STAU2: variants seen among roughly 807,000 people sequenced by gnomAD.
STAU2 encodes the protein double-stranded RNA-binding protein Staufen homolog 2.
STAU2 carries 20 observed loss-of-function variants against 65.9 expected under a neutral mutation model. The ratio of observed to expected loss-of-function variants is 0.30; its 90% CI spans 0.21 to 0.44. STAU2 has a LOEUF of 0.44. Ranked by LOEUF, STAU2 falls within the 20% of genes least tolerant of loss-of-function variation. The pLI is 1.00. For missense variants in STAU2, 558 were observed against 683.9 expected, an observed-to-expected ratio of 0.82 and a Z score of 2.05; for synonymous variants, 232 against 233.9, an observed-to-expected ratio of 0.99 and a Z score of 0.07.
chr8:73,471,401 T>C (rs553036974), intron 13 of STAU2, among the ~76,000 whole-genome samples: 5 of 151,602 alleles, frequency 3.3e-5, no homozygotes, highest in African/African-American at 1.2e-4. Flanking sequence ...TTGCCCAGGC[T>C]GGTCTTAAAC....
At chr8:73,647,271 C>G (rs1187288010) in intron 6 of STAU2, among the ~76,000 whole-genome samples, 3 of 139,804 alleles carry the variant, frequency 2.1e-5, no homozygotes, top group Non-Finnish European at 4.7e-5. Flanking sequence ...ATACAAAACC[C>G]ATACATAGAT....
chr8:73,677,774 TACAGTATTAGACTTTATTTTA>T (rs1206181644), intron 5 of STAU2, among the ~76,000 whole-genome samples: 1 of 152,210 alleles, frequency 6.6e-6, no homozygotes, highest in Admixed American at 6.5e-5. Context: ...CTTGTCTGTA[TACAGTATTAGACTTTATTTTA>T]AAAGTTTACA....
chr8:73,680,497 A>C (rs1818356475), intron 5 of STAU2, among the ~76,000 whole-genome samples: 1 of 152,138 alleles, frequency 6.6e-6, no homozygotes, highest in African/African-American at 2.4e-5. Flanking sequence ...CCTCTGACAC[A>C]GTATATCCAA....
intron 5 of STAU2, among the ~76,000 whole-genome samples, chr8:73,685,014 G>T (rs935123289): frequency 6.6e-6 from 1 of 152,100 alleles, no homozygotes; most frequent in African/African-American, 2.4e-5. Context: ...GAATCATGGG[G>T]GCGGTTTCCC....
intron 1 of STAU2, among the ~76,000 whole-genome samples, chr8:73,745,026 A>C (rs1159787685): frequency 6.6e-6 from 1 of 152,248 alleles, no homozygotes; most frequent in Non-Finnish European, 1.5e-5. Flanking sequence ...AAAATGCAGT[A>C]ATTTGTGAGC....
chr8:73,669,247 T>C lies in STAU2; in HGVS notation c.410+3860A>G, dbSNP rs1345396966. On this transcript the variant is annotated intron_variant, in intron 6 of 14. Transcript: ENST00000524300. ...AGCTTACTAGTACTTTCCGATATTC[T>C]TTTTACCTTTTTGTGATCTGCAGAA... The C allele has an allele frequency of 4.8e-5, 27 of 567,706 alleles. No homozygotes were observed. In the East Asian group the frequency reaches 6.7e-4, roughly 14 times the overall value. 35.2% of individuals were successfully genotyped at this position (567,706 alleles called of 1,614,324 possible).
chr8:73,645,186 A>T (rs531624015), intron 6 of STAU2, among the ~76,000 whole-genome samples: 1 of 152,158 alleles, frequency 6.6e-6, no homozygotes, highest in East Asian at 1.9e-4. Flanking sequence ...AGAGACAAAA[A>T]ACCTTAATAG....
At chr8:73,719,941 T>C (rs796762664) in intron 3 of STAU2, among the ~76,000 whole-genome samples, 4 of 152,314 alleles carry the variant, frequency 2.6e-5, no homozygotes, top group African/African-American at 9.6e-5. Context: ...AGAGTTTTCT[T>C]TTTAAGTAGA....
intron 13 of STAU2, among the ~76,000 whole-genome samples, chr8:73,444,870 A>G (rs78094568): frequency 6.6e-6 from 1 of 152,238 alleles, no homozygotes; most frequent in African/African-American, 2.4e-5. Flanking sequence ...TCCAGAGGAC[A>G]CAGGGACCAC....
At chr8:73,674,948 C>A (rs1351967329) in intron 5 of STAU2, among the ~76,000 whole-genome samples, 1 of 151,768 alleles carries the variant, frequency 6.6e-6, no homozygotes. Flanking sequence ...GCTTAAGTAT[C>A]CACTTAAGAG....
chr8:73,666,569 C>T, intron 6 of STAU2, among the ~76,000 whole-genome samples: 1 of 152,174 alleles, frequency 6.6e-6, no homozygotes, highest in Non-Finnish European at 1.5e-5. Flanking sequence ...TCTTGTTTAA[C>T]TTGCTATGAC....
chr8:73,608,113 T>G (rs1483508369), intron 9 of STAU2, among the ~76,000 whole-genome samples: 1 of 152,058 alleles, frequency 6.6e-6, no homozygotes, highest in Non-Finnish European at 1.5e-5. Flanking sequence ...AGTAAGAAAA[T>G]TACTAAGAGG....
chr8:73,737,223 T>A (rs1395212380), intron 3 of STAU2, among the ~76,000 whole-genome samples: 6 of 150,786 alleles, frequency 4.0e-5, no homozygotes, highest in African/African-American at 9.8e-5. Flanking sequence ...CAGGGTGGAG[T>A]GCAATGGCAC....
chr8:73,592,342 GA>G, intron 11 of STAU2, among the ~76,000 whole-genome samples: 1 of 151,950 alleles, frequency 6.6e-6, no homozygotes, highest in East Asian at 1.9e-4. Flanking sequence ...ACTATTAAAA[GA>G]AAAAGGGAAT....
At chr8:73,505,034 A>G (rs1440399324) in intron 13 of STAU2, among the ~76,000 whole-genome samples, 5 of 152,092 alleles carry the variant, frequency 3.3e-5, no homozygotes, top group Non-Finnish European at 5.9e-5. Flanking sequence ...GACCAAATCT[A>G]TATCTTTATC....
intron 1 of STAU2, among the ~76,000 whole-genome samples, chr8:73,744,747 T>G (rs574121277): frequency 6.6e-6 from 1 of 152,292 alleles, no homozygotes; most frequent in African/African-American, 2.4e-5. Context: ...GTATGTAACT[T>G]ACCCTTAAAT....
At chr8:73,444,419 A>C (rs1242820872) in intron 13 of STAU2, among the ~76,000 whole-genome samples, 1 of 152,064 alleles carries the variant, frequency 6.6e-6, no homozygotes, top group Non-Finnish European at 1.5e-5. Context: ...AAAAAAAAAA[A>C]AAAAAAGAAT....
chr8:73,744,307 T>G (rs1196064902), intron 1 of STAU2, among the ~76,000 whole-genome samples: 1 of 152,268 alleles, frequency 6.6e-6, no homozygotes, highest in Non-Finnish European at 1.5e-5. Context: ...CAAATATATC[T>G]ATATGTGAAT....
chr8:73,452,666 C>T (rs954042449), intron 13 of STAU2, among the ~76,000 whole-genome samples: 2 of 152,202 alleles, frequency 1.3e-5, no homozygotes, highest in African/African-American at 4.8e-5. Flanking sequence ...TAACTTTGAC[C>T]ACTTTTGTTT....
Sources: allele counts gnomAD v4.1 joint callset (sites outside exome capture counted in the v4.1 genomes callset), GRCh38; gene constraint gnomAD v4.1.1; transcripts MANE v1.5; gene names NCBI Gene and HGNC (gene_info 2026-07-23, HGNC 2026-07-21).